Variants in CAST observed in about 807,000 individuals in gnomAD.
CAST encodes the protein calpastatin.
CAST carries 76 observed loss-of-function variants against 119.6 expected under a neutral mutation model. That is an observed-to-expected ratio of 0.64 (90% CI 0.53 to 0.77). CAST has a LOEUF of 0.77. CAST is among the 30% of genes least tolerant of loss of function. The pLI is 0.00. For synonymous variants in CAST, 319 were observed against 331.6 expected (o/e 0.96, Z 0.41); for missense variants, 953 against 946.5 (o/e 1.01, Z -0.09).
the CAST span, among the ~76,000 whole-genome samples, chr5:96,152,245 T>C: frequency 8.5e-5 from 13 of 152,236 alleles, no homozygotes; most frequent in African/African-American, 2.4e-4. Context: ...TTTGCTGATA[T>C]ACATTTGCTC....
the CAST span, chr5:95,961,563 C>T: frequency 1.3e-6 from 2 of 1,572,606 alleles, no homozygotes; most frequent in East Asian, 2.5e-5. Context: ...GCCTGCCGGC[C>T]GGCCCGCTCA....
intron 1 of CAST, among the ~76,000 whole-genome samples, chr5:96,605,273 G>T (rs1747232206): frequency 1.3e-5 from 2 of 152,116 alleles, no homozygotes; most frequent in South Asian, 4.1e-4. Flanking sequence ...ACTTATAGCT[G>T]CTTTTCACAG....
intron 1 of CAST, among the ~76,000 whole-genome samples, chr5:96,619,896 T>C (rs139420317): frequency 1.2e-3 from 183 of 152,316 alleles, no homozygotes; most frequent in Non-Finnish European, 2.1e-3. Context: ...CTGACTTGAA[T>C]TGGGTTCTGT....
At chr5:96,662,563 CG>C in intron 1 of CAST, 66 bp downstream of exon 1, 1 of 1,322,576 alleles carries the variant, frequency 7.6e-7, no homozygotes. Flanking sequence ...GAGCTGTGGC[CG>C]CCCTCCCTGG....
Position 96,670,992 on chromosome 5 carries a change from T to G in CAST, c.76-4547T>G, listed in dbSNP as rs11955788. On this transcript the variant is annotated intron_variant, in intron 1 of 31. Coordinates refer to ENST00000675179, the MANE Select transcript of CAST (RefSeq NM_001750.7). ...TAGCTCTTATTGATTTTTTTCAGAT[T>G]TATGGGTTTGCTATGGCAGATTTTA... Among the ~76,000 whole-genome samples, 1,187 of 152,328 alleles carry G rather than the reference T, an allele frequency of 7.8e-3. 17 individuals carry two copies. The highest frequency in any genetic ancestry group is 0.027 in the African/African-American group (1,137 of 41,574).
At chr5:96,754,992 A>G (rs1765961417) in intron 22 of CAST, 1 of 263,676 alleles carries the variant, frequency 3.8e-6, no homozygotes, top group African/African-American at 2.3e-5. Context: ...TTTCTAACCC[A>G]CAGCTTGTTA....
chr5:96,048,014 G>C, the CAST span, among the ~76,000 whole-genome samples: 3 of 152,160 alleles, frequency 2.0e-5, no homozygotes, highest in Admixed American at 6.5e-5. Flanking sequence ...AAGGTGGCTG[G>C]AATTCTCAGT....
intron 1 of CAST, among the ~76,000 whole-genome samples, chr5:96,603,596 C>G (rs1747198542): frequency 6.6e-6 from 1 of 152,102 alleles, no homozygotes; most frequent in Admixed American, 6.5e-5. Flanking sequence ...AGGAATATCT[C>G]TTGAAGGACC....
At chr5:96,659,343 A>G (rs1411526090), upstream of CAST, among the ~76,000 whole-genome samples, 1 of 152,198 alleles carries the variant, frequency 6.6e-6, no homozygotes, top group African/African-American at 2.4e-5. Context: ...AATGCAATAA[A>G]GCAAAGAGCA....
intron 1 of CAST, among the ~76,000 whole-genome samples, chr5:96,549,836 G>A (rs913038246): frequency 1.3e-5 from 2 of 152,232 alleles, no homozygotes; most frequent in Non-Finnish European, 2.9e-5. Flanking sequence ...AGCTTGGGAG[G>A]GATGTCCGCC....
chr5:96,527,074 A>T (rs1745607810), upstream of CAST, among the ~76,000 whole-genome samples: 1 of 152,224 alleles, frequency 6.6e-6, no homozygotes, highest in African/African-American at 2.4e-5. Flanking sequence ...TCTGGTGCTC[A>T]GTAGATCTGC....
chr5:96,381,566 T>C, the CAST span, among the ~76,000 whole-genome samples: 2 of 152,192 alleles, frequency 1.3e-5, no homozygotes, highest in South Asian at 2.1e-4. Context: ...TCAATAACAG[T>C]CACACAAATA....
the CAST span, among the ~76,000 whole-genome samples, chr5:96,226,679 C>G: frequency 1.3e-5 from 2 of 151,950 alleles, no homozygotes; most frequent in African/African-American, 4.8e-5. Flanking sequence ...AAAAAAAAAT[C>G]AAATGTATTT....
the CAST span, chr5:96,079,072 A>T: frequency 2.4e-6 from 1 of 410,534 alleles, no homozygotes; most frequent in Non-Finnish European, 4.9e-6. Flanking sequence ...CTGTATATGT[A>T]CCCATGCACT....
At chr5:96,568,730 CT>C (rs1229356346) in intron 1 of CAST, among the ~76,000 whole-genome samples, 1 of 151,694 alleles carries the variant, frequency 6.6e-6, no homozygotes, top group Non-Finnish European at 1.5e-5. Flanking sequence ...GGAATATTTA[CT>C]TTTTTTCCTT....
the CAST span, among the ~76,000 whole-genome samples, chr5:96,229,892 C>A: frequency 1.3e-5 from 2 of 152,098 alleles, no homozygotes; most frequent in Non-Finnish European, 1.5e-5. Flanking sequence ...TTATCCTCCC[C>A]CCGTGTTCCT....
At chr5:96,683,948 ATCT>A (rs1396607437) in intron 2 of CAST, among the ~76,000 whole-genome samples, 1 of 152,228 alleles carries the variant, frequency 6.6e-6, no homozygotes, top group Non-Finnish European at 1.5e-5. Context: ...CAGTGAGAGC[ATCT>A]TCTTTCTCAT....
chr5:96,384,503 C>T, the CAST span, among the ~76,000 whole-genome samples: 2 of 152,226 alleles, frequency 1.3e-5, no homozygotes, highest in African/African-American at 4.8e-5. Flanking sequence ...GCTGTCTTCC[C>T]TGCCCTTGTA....
At position 96,652,733 on chromosome 5, in the gene CAST, C is replaced by T. The variant is rs1482590050; in HGVS notation, c.61-22806C>T. Among the ~76,000 whole-genome samples the T allele has an allele frequency of 2.0e-5, 3 of 152,130 alleles. No homozygotes were observed. In the South Asian group the frequency reaches 6.2e-4, roughly 32 times the overall value. Reference sequence around the variant, plus strand: ...GATCATCTTGCCTATATTAAAATGACACAATGCAAAATATAAGATGTGATA... The same window carrying T: ...GATCATCTTGCCTATATTAAAATGATACAATGCAAAATATAAGATGTGATA... On this transcript the variant is annotated intron_variant, in intron 1 of 11. Transcript: ENST00000505143.
Sources: gnomAD v4.1 joint callset for allele counts (sites outside exome capture counted in the v4.1 genomes callset) on GRCh38, gnomAD v4.1.1 for gene constraint, MANE v1.5 for transcripts, NCBI Gene and HGNC (gene_info 2026-07-23, HGNC 2026-07-21) for gene names.